Variants in NKAIN3 observed in about 807,000 individuals in gnomAD.
The protein encoded by NKAIN3 is sodium/potassium-transporting ATPase subunit beta-1-interacting protein 3.
A neutral mutation model predicts 30.2 loss-of-function variants in NKAIN3; 25 were observed. The observed-to-expected ratio is 0.83, with a 90% CI of 0.60 to 1.16. The LOEUF (loss-of-function observed/expected upper bound fraction) is 1.16. Among genes scored for constraint, NKAIN3 ranks in the 50% most tolerant of loss-of-function variants. NKAIN3 has a pLI of 0.00. For synonymous variants in NKAIN3, 91 were observed against 89.6 expected, an observed-to-expected ratio of 1.02 and a Z score of -0.09; for missense variants, 225 against 254.1, an observed-to-expected ratio of 0.89 and a Z score of 0.78.
chr8:62,321,271 G>C (rs1409467237), intron 1 of NKAIN3, among the ~76,000 whole-genome samples: 1 of 152,034 alleles, frequency 6.6e-6, no homozygotes, highest in Non-Finnish European at 1.5e-5. Flanking sequence ...CTTTGCCATG[G>C]GTTCGAACTT....
intron 1 of NKAIN3, among the ~76,000 whole-genome samples, chr8:62,339,704 T>A (rs565182280): frequency 2.2e-4 from 34 of 152,028 alleles, no homozygotes; most frequent in African/African-American, 7.7e-4. Flanking sequence ...TTGAAAATGG[T>A]AATAATTCCT....
chr8:62,297,945 T>C (rs1427576931), intron 1 of NKAIN3, among the ~76,000 whole-genome samples: 1 of 152,058 alleles, frequency 6.6e-6, no homozygotes, highest in Non-Finnish European at 1.5e-5. Context: ...AATGATAGAC[T>C]GGGTTAAGAA....
At chr8:62,864,859 A>G (rs1203272333) in intron 4 of NKAIN3, among the ~76,000 whole-genome samples, 1 of 152,172 alleles carries the variant, frequency 6.6e-6, no homozygotes, top group African/African-American at 2.4e-5. Flanking sequence ...AGACATCCAG[A>G]TGAGTCAATA....
intron 5 of NKAIN3, among the ~76,000 whole-genome samples, chr8:62,953,035 C>T (rs1336775229): frequency 6.6e-6 from 1 of 152,020 alleles, no homozygotes. Flanking sequence ...CAAAAAAATG[C>T]TACTCTGTAT....
intron 4 of NKAIN3, among the ~76,000 whole-genome samples, chr8:62,858,057 GT>G (rs201880875): frequency 0.076 from 11,393 of 149,298 alleles, 519 homozygotes; most frequent in South Asian, 0.14. Flanking sequence ...TGTTTTCTGT[GT>G]TTTTTTTGTT....
chr8:62,898,997 C>T (rs540290842), intron 4 of NKAIN3, among the ~76,000 whole-genome samples: 2 of 152,230 alleles, frequency 1.3e-5, no homozygotes, highest in South Asian at 4.1e-4. Context: ...CATCATTGAT[C>T]ATCAGAGAAA....
At chr8:62,589,875 TTGTGTGTGTGTGTG>T (rs35791396) in intron 3 of NKAIN3, 81 bp downstream of exon 3, 185,398 of 429,530 alleles carry the variant, frequency 0.43, 33,550 homozygotes, top group Non-Finnish European at 0.5. Flanking sequence ...TATAGGTATA[TTGTGTGTGTGTGTG>T]TGTGTGTGTG....
intron 4 of NKAIN3, among the ~76,000 whole-genome samples, chr8:62,774,253 T>C (rs1817109843): frequency 6.6e-6 from 1 of 152,236 alleles, no homozygotes; most frequent in African/African-American, 2.4e-5. Context: ...GTATGTTGAT[T>C]TTGTATCCTG....
In NKAIN3 at chr8:62,823,048, G is replaced by A. The variant is rs533103071; in HGVS notation, c.471+75919G>A. Reference sequence around the variant, plus strand: ...ATGGTACATCTGTACAGAGCACTTAGCATGAGTGGAGCATGCAGGACTGGA... The same window carrying A: ...ATGGTACATCTGTACAGAGCACTTAACATGAGTGGAGCATGCAGGACTGGA... On this transcript the variant is annotated intron_variant, in intron 4 of 6. Transcript: ENST00000623646. Among the ~76,000 whole-genome samples, 9 of 152,278 alleles carry A rather than the reference G, an allele frequency of 5.9e-5. No homozygotes were observed. The East Asian group carries it at 1.7e-3, about 29-fold the overall frequency.
chr8:62,679,264 T>G (rs539350951), intron 3 of NKAIN3, among the ~76,000 whole-genome samples: 2 of 152,292 alleles, frequency 1.3e-5, no homozygotes, highest in Non-Finnish European at 2.9e-5. Context: ...CTGACAAGAA[T>G]CATCATATGC....
At chr8:62,741,689 A>G (rs1815898285) in intron 3 of NKAIN3, among the ~76,000 whole-genome samples, 1 of 152,224 alleles carries the variant, frequency 6.6e-6, no homozygotes, top group South Asian at 2.1e-4. Context: ...AAATAAGTAT[A>G]TAAGTTGTCA....
chr8:62,300,626 A>C lies in NKAIN3; in HGVS notation c.54+51499A>C, dbSNP rs143348864. ...CTTTAAAAGTATCTTATTTGGCCAA[A>C]ATAATTCCTTATTATAATTGTTAGA... On this transcript the variant is annotated intron_variant, in intron 1 of 6. Coordinates refer to ENST00000623646, the MANE Select transcript of NKAIN3 (RefSeq NM_001304533.3). Among the ~76,000 whole-genome samples, 265 of 152,274 alleles carry C rather than the reference A, an allele frequency of 1.7e-3. 1 individual carries two copies. The highest frequency in any genetic ancestry group is 5.9e-3 in the African/African-American group (247 of 41,586).
chr8:62,772,822 A>G (rs900669347), intron 4 of NKAIN3, among the ~76,000 whole-genome samples: 9 of 151,838 alleles, frequency 5.9e-5, no homozygotes, highest in African/African-American at 1.7e-4. Context: ...TGCCACGTCC[A>G]ACTAATTTTT....
chr8:62,594,107 T>C (rs1007110570), intron 3 of NKAIN3, among the ~76,000 whole-genome samples: 3 of 151,956 alleles, frequency 2.0e-5, no homozygotes, highest in Admixed American at 6.6e-5. Flanking sequence ...TTTTTCTTTA[T>C]TTCCCTGCTT....
rs1053901500 is a variant in NKAIN3 at position 62,966,310 on chromosome 8, G to T, written c.*903G>T. 1.8e-5 allele frequency: 18 copies of T among 984,148 alleles called. No individual in the cohort carries two copies. The highest frequency in any genetic ancestry group is 2.1e-5 in the Non-Finnish European group (17 of 828,946). 61.0% of individuals were successfully genotyped at this position (984,148 alleles called of 1,614,324 possible). On this transcript the variant is annotated 3_prime_UTR_variant, in exon 7 of 7. Transcript: ENST00000623646. ...AAATACTTCTAAAGGAGACATTCACGTGTGAGCAACATCAGCTTTTCTTTC... is the reference window on the plus strand; with the variant it reads ...AAATACTTCTAAAGGAGACATTCACTTGTGAGCAACATCAGCTTTTCTTTC...
chr8:62,448,513 C>T (rs181106649), intron 1 of NKAIN3, among the ~76,000 whole-genome samples: 2 of 150,766 alleles, frequency 1.3e-5, no homozygotes, highest in South Asian at 2.1e-4. Context: ...AATCACCTGC[C>T]TTTCAGAGAA....
intron 1 of NKAIN3, among the ~76,000 whole-genome samples, chr8:62,399,776 T>C (rs1218405300): frequency 5.9e-5 from 9 of 152,140 alleles, no homozygotes; most frequent in Non-Finnish European, 2.9e-5. Flanking sequence ...AAAAGCCAGC[T>C]TTCAGTAAGT....
At chr8:62,260,483 C>T (rs1563910134) in intron 1 of NKAIN3, among the ~76,000 whole-genome samples, 1 of 152,044 alleles carries the variant, frequency 6.6e-6, no homozygotes, top group Non-Finnish European at 1.5e-5. Context: ...TCAAAAGGTC[C>T]TCAAGAAATC....
chr8:62,906,390 A>G (rs949753783), intron 4 of NKAIN3, among the ~76,000 whole-genome samples: 1 of 152,242 alleles, frequency 6.6e-6, no homozygotes, highest in Admixed American at 6.5e-5. Context: ...AGCTCTGCAC[A>G]GAGCAGTGTG....
Sources: gnomAD v4.1 joint callset for allele counts (sites outside exome capture counted in the v4.1 genomes callset) on GRCh38, gnomAD v4.1.1 for gene constraint, MANE v1.5 for transcripts, NCBI Gene and HGNC (gene_info 2026-07-23, HGNC 2026-07-21) for gene names.